HMGCLL1: variants seen among roughly 807,000 people sequenced by gnomAD.
The protein encoded by HMGCLL1 is 3-hydroxy-3-methylglutaryl-CoA lyase like 1, also known as 3-hydroxymethyl-3-methylglutaryl-CoA lyase, cytoplasmic.
Under a neutral mutation model 39.1 loss-of-function variants are expected in HMGCLL1, and 36 were observed. The ratio of observed to expected loss-of-function variants is 0.92; its 90% CI spans 0.71 to 1.22. The LOEUF (loss-of-function observed/expected upper bound fraction) is 1.22, where lower values mean the gene tolerates loss of function less well. Ranked by LOEUF, HMGCLL1 falls within the 50% of genes most tolerant of loss-of-function variation. The pLI, the probability that HMGCLL1 is intolerant of heterozygous loss-of-function variation, is 0.00. For synonymous variants in HMGCLL1, 149 were observed against 144.0 expected, an observed-to-expected ratio of 1.03 and a Z score of -0.25; for missense variants, 451 against 416.5, an observed-to-expected ratio of 1.08 and a Z score of -0.72.
At chr6:55,488,612 T>C (rs1766164267) in intron 7 of HMGCLL1, among the ~76,000 whole-genome samples, 2 of 152,050 alleles carry the variant, frequency 1.3e-5, no homozygotes, top group Non-Finnish European at 2.9e-5. Context: ...ATGCTCTCTA[T>C]TGAAGAGAGA....
the HMGCLL1 span, among the ~76,000 whole-genome samples, chr6:55,604,448 A>C: frequency 2.6e-5 from 4 of 152,276 alleles, no homozygotes; most frequent in South Asian, 8.3e-4. Flanking sequence ...GTGTTTCTCA[A>C]GTTTTCTAGC....
chr6:55,509,027 G>T (rs751563697), intron 5 of HMGCLL1, among the ~76,000 whole-genome samples: 37 of 151,844 alleles, frequency 2.4e-4, no homozygotes, highest in Non-Finnish European at 5.0e-4. Context: ...CTGCTGCTGG[G>T]TATGTGTTGT....
At chr6:55,637,421 C>A in the HMGCLL1 span, among the ~76,000 whole-genome samples, 7 of 145,022 alleles carry the variant, frequency 4.8e-5, no homozygotes, top group African/African-American at 1.6e-4. Flanking sequence ...AGACTAGAAT[C>A]TCATGTTCAC....
At chr6:55,535,016 G>A (rs918475922) in intron 3 of HMGCLL1, among the ~76,000 whole-genome samples, 1 of 152,182 alleles carries the variant, frequency 6.6e-6, no homozygotes, top group African/African-American at 2.4e-5. Context: ...GGCAAATAGT[G>A]TATGCTTGTT....
the HMGCLL1 span, among the ~76,000 whole-genome samples, chr6:55,629,151 T>C: frequency 2.4e-3 from 360 of 152,242 alleles, 2 homozygotes; most frequent in Non-Finnish European, 4.0e-3. Flanking sequence ...CCTAGCAACT[T>C]GTTGAATGGC....
chr6:55,599,356 T>A, the HMGCLL1 span, among the ~76,000 whole-genome samples: 2 of 152,204 alleles, frequency 1.3e-5, no homozygotes, highest in Non-Finnish European at 2.9e-5. Flanking sequence ...GAAACTTAGA[T>A]ATAAGCCAGC....
the HMGCLL1 span, among the ~76,000 whole-genome samples, chr6:55,670,408 A>T: frequency 6.6e-6 from 1 of 151,912 alleles, no homozygotes; most frequent in African/African-American, 2.4e-5. Flanking sequence ...TACCATGAAT[A>T]AACAAGTAAC....
chr6:55,499,483 A>T (rs748574591), intron 5 of HMGCLL1, among the ~76,000 whole-genome samples, 184 bp from the exon 6 acceptor site: 12 of 152,124 alleles, frequency 7.9e-5, no homozygotes, highest in African/African-American at 2.9e-4. Context: ...TCACATTTTT[A>T]TCTTTCTATA....
intron 7 of HMGCLL1, among the ~76,000 whole-genome samples, chr6:55,457,828 C>T (rs181026298): frequency 6.6e-6 from 1 of 152,244 alleles, no homozygotes; most frequent in East Asian, 1.9e-4. Flanking sequence ...TATTAACCCA[C>T]CTTGAGTCAC....
chr6:55,439,428 A>T lies in HMGCLL1; in HGVS notation c.921+6T>A. ...ATGAATATTAAAATACGTTAAAGTA[A>T]CTTACTGTATTGAGCCCCAGGCCAT... On this transcript the variant is annotated splice_donor_region_variant and intron_variant, in intron 8 of 8. Coordinates refer to ENST00000274901, the MANE Select transcript of HMGCLL1 (RefSeq NM_001042406.2). The T allele has an allele frequency of 1.2e-6, 2 of 1,606,006 alleles. No individual in the cohort carries two copies. Among genetic ancestry groups the T allele is most frequent in the Non-Finnish European group, 1.7e-6 (2 of 1,174,752 alleles).
chr6:55,614,513 C>G, the HMGCLL1 span, among the ~76,000 whole-genome samples: 3 of 152,016 alleles, frequency 2.0e-5, no homozygotes, highest in African/African-American at 7.2e-5. Context: ...TATAGCGGCC[C>G]AAGCTAAGAA....
chr6:55,474,919 T>C lies in HMGCLL1; in HGVS notation c.795+20500A>G, dbSNP rs1383045197. Among the ~76,000 whole-genome samples, 3 of 151,658 alleles carry C rather than the reference T, an allele frequency of 2.0e-5. No homozygotes were observed. The Admixed American group carries it at 2.0e-4, about 10-fold the overall frequency. On this transcript the variant is annotated intron_variant, in intron 7 of 8. Coordinates refer to ENST00000274901, the MANE Select transcript of HMGCLL1 (RefSeq NM_001042406.2). ...TTCCTTCTCAGATAAACGGGTCTGCTTCTTGTAGTTCTTTCTGCTGTAATC... is the reference window on the plus strand; with the variant it reads ...TTCCTTCTCAGATAAACGGGTCTGCCTCTTGTAGTTCTTTCTGCTGTAATC...
At chr6:55,577,172 G>A (rs1051458926) in intron 1 of HMGCLL1, 1 of 1,573,194 alleles carries the variant, frequency 6.4e-7, no homozygotes, top group African/African-American at 1.4e-5. Flanking sequence ...AGAAGTCTAG[G>A]AAGATAAAGT....
the HMGCLL1 span, among the ~76,000 whole-genome samples, chr6:55,661,277 T>C: frequency 6.6e-6 from 1 of 152,020 alleles, no homozygotes; most frequent in Non-Finnish European, 1.5e-5. Context: ...ATCTTCATCA[T>C]GAAATTGTTG....
chr6:55,573,219 T>G (rs2127477623), intron 1 of HMGCLL1, among the ~76,000 whole-genome samples: 1 of 152,334 alleles, frequency 6.6e-6, no homozygotes, highest in South Asian at 2.1e-4. Flanking sequence ...TAATTTAAGT[T>G]ATCTCTACGC....
At chr6:55,645,266 T>G in the HMGCLL1 span, among the ~76,000 whole-genome samples, 1 of 152,032 alleles carries the variant, frequency 6.6e-6, no homozygotes, top group Non-Finnish European at 1.5e-5. Flanking sequence ...GAAACTTTAC[T>G]GAATTTGTTT....
the HMGCLL1 span, among the ~76,000 whole-genome samples, chr6:55,657,273 C>T: frequency 6.6e-6 from 1 of 151,926 alleles, no homozygotes; most frequent in Non-Finnish European, 1.5e-5. Context: ...GAAAACTTTG[C>T]CCATGCCTAT....
At chr6:55,500,668 T>C (rs1439136330) in intron 5 of HMGCLL1, among the ~76,000 whole-genome samples, 1 of 151,964 alleles carries the variant, frequency 6.6e-6, no homozygotes, top group African/African-American at 2.4e-5. Flanking sequence ...GACAGGAAGC[T>C]CATCCCTCCG....
intron 3 of HMGCLL1, among the ~76,000 whole-genome samples, chr6:55,526,364 T>TAACCA (rs1415800697): frequency 6.6e-6 from 1 of 152,076 alleles, no homozygotes; most frequent in African/African-American, 2.4e-5. Context: ...ACATTCTCAA[T>TAACCA]AACCAACTTG....
Sources: gnomAD v4.1 joint callset for allele counts (sites outside exome capture counted in the v4.1 genomes callset) on GRCh38, gnomAD v4.1.1 for gene constraint, MANE v1.5 for transcripts, NCBI Gene and HGNC (gene_info 2026-07-23, HGNC 2026-07-21) for gene names.